Variants in FRAS1 observed in about 807,000 individuals in gnomAD.
The protein encoded by FRAS1 is Fraser extracellular matrix complex subunit 1.
In FRAS1, 290 loss-of-function variants were observed where a neutral mutation model predicts 435.2. The observed-to-expected ratio is 0.67, with a 90% CI of 0.61 to 0.73. The LOEUF (loss-of-function observed/expected upper bound fraction) is 0.73. FRAS1 is among the 30% of genes least tolerant of loss of function. The pLI, the probability that FRAS1 is intolerant of heterozygous loss-of-function variation, is 0.00. For synonymous variants in FRAS1, 1,800 were observed against 1,851.0 expected (o/e 0.97, Z 0.71); for missense variants, 4,860 against 5,001.5 (o/e 0.97, Z 0.85).
At chr4:78,457,258 T>C (rs1719230507) in intron 47 of FRAS1, among the ~76,000 whole-genome samples, 1 of 152,116 alleles carries the variant, frequency 6.6e-6, no homozygotes, top group Non-Finnish European at 1.5e-5. Flanking sequence ...GAGCCCGAAA[T>C]AAACTTTTCA....
Position 78,428,312 on chromosome 4 carries a change from T to C in FRAS1, c.4712-783T>C, listed in dbSNP as rs375115118. On this transcript the variant is annotated intron_variant, in intron 35 of 73. Transcript: ENST00000512123. ...GAGACATTGGTATGGGTATTGTCTG[T>C]CCTTTTAAAAAGTATTCTTTTTTTT... Among the ~76,000 whole-genome samples the C allele has an allele frequency of 1.1e-4, 15 of 142,006 alleles. No homozygotes were observed. The East Asian group carries it at 1.4e-3, about 14-fold the overall frequency. The allele number at this position is 142,006 out of a possible 152,430, so 93.2% of individuals were successfully genotyped here. A position where few individuals can be genotyped will look rare whatever the true frequency, so the allele number is the denominator to read the frequency against.
chr4:78,228,004 A>G (rs953490620), intron 2 of FRAS1, among the ~76,000 whole-genome samples: 2 of 152,238 alleles, frequency 1.3e-5, no homozygotes, highest in Non-Finnish European at 2.9e-5. Flanking sequence ...CTACCTATAT[A>G]TAAAGAAATT....
At chr4:78,184,817 C>G (rs1189290235) in intron 2 of FRAS1, among the ~76,000 whole-genome samples, 1 of 152,192 alleles carries the variant, frequency 6.6e-6, no homozygotes, top group East Asian at 1.9e-4. Context: ...TTAAAGTCAA[C>G]TGATTAGGGA....
intron 59 of FRAS1, among the ~76,000 whole-genome samples, chr4:78,489,907 C>A (rs1012639626): frequency 8.1e-6 from 1 of 124,126 alleles, no homozygotes; most frequent in East Asian, 2.8e-4. Flanking sequence ...ATTCTCTTGA[C>A]AATGTACATG....
At chr4:78,433,560 A>T (rs1422460837) in intron 38 of FRAS1, among the ~76,000 whole-genome samples, 2 of 152,188 alleles carry the variant, frequency 1.3e-5, no homozygotes, top group Admixed American at 6.5e-5. Context: ...TTAGCCTGGG[A>T]ACAATTGCTT....
Position 78,377,005 on chromosome 4 carries a change from T to G in FRAS1, c.3292+1126T>G, listed in dbSNP as rs148997422. Among the ~76,000 whole-genome samples the G allele has an allele frequency of 2.6e-3, 401 of 151,932 alleles. 1 individual carries two copies. The highest frequency in any genetic ancestry group is 9.3e-3 in the African/African-American group (386 of 41,454). On this transcript the variant is annotated intron_variant, in intron 26 of 73. Transcript: ENST00000512123. ...TGAGACTCTGTCTCAAAAATAATAA[T>G]AATAATAGGTAACATGTTAAGAAAT...
intron 2 of FRAS1, among the ~76,000 whole-genome samples, chr4:78,088,049 G>T (rs35095471): frequency 0.98 from 148,711 of 152,226 alleles, 72,716 homozygotes; most frequent in Middle Eastern, 1. Flanking sequence ...GTACTGGTAC[G>T]AAACAGCATG....
intron 30 of FRAS1, 138 bp from the exon 31 acceptor site, chr4:78,407,525 C>G: frequency 1.6e-6 from 1 of 627,860 alleles, no homozygotes; most frequent in Non-Finnish European, 2.7e-6. Context: ...TGTTAACATC[C>G]TCTCCTTCAC....
At chr4:78,128,895 A>ATG (rs1276162119) in intron 2 of FRAS1, among the ~76,000 whole-genome samples, 1 of 152,136 alleles carries the variant, frequency 6.6e-6, no homozygotes, top group African/African-American at 2.4e-5. Context: ...TAGGTCTACC[A>ATG]TTTAAGTCTT....
chr4:78,493,277 G>A (rs920565919), intron 59 of FRAS1, among the ~76,000 whole-genome samples: 4 of 152,086 alleles, frequency 2.6e-5, no homozygotes, highest in East Asian at 1.9e-4. Context: ...CCAGAAATAC[G>A]ATTTGGCCTA....
intron 54 of FRAS1, among the ~76,000 whole-genome samples, chr4:78,476,186 T>G (rs1468316551): frequency 6.6e-6 from 1 of 152,210 alleles, no homozygotes; most frequent in East Asian, 1.9e-4. Context: ...CAAGGTTTGG[T>G]GCTCGTGACT....
At chr4:78,186,957 T>C (rs1200665299) in intron 2 of FRAS1, among the ~76,000 whole-genome samples, 1 of 152,238 alleles carries the variant, frequency 6.6e-6, no homozygotes, top group Non-Finnish European at 1.5e-5. Flanking sequence ...GCCTAAAATC[T>C]GGTCTGATTT....
intron 69 of FRAS1, among the ~76,000 whole-genome samples, 174 bp from the exon 70 acceptor site, chr4:78,526,367 G>A (rs1412521845): frequency 6.6e-6 from 1 of 152,208 alleles, no homozygotes; most frequent in Non-Finnish European, 1.5e-5. Flanking sequence ...TACTCTGAAG[G>A]TTAGGATAAT....
In FRAS1 at chr4:78,060,277, C is replaced by T. The variant is rs1000148521; in HGVS notation, c.76+2192C>T. 7.2e-5 allele frequency among the ~76,000 whole-genome samples: 11 copies of T among 152,260 alleles called. No homozygotes were observed. The East Asian group carries it at 2.1e-3, about 29-fold the overall frequency. ...CTTTAAAAAATAAGAGCATTGAGATCAAGGTTGGAAACCTCAAGGATCTTA... is the reference window on the plus strand; with the variant it reads ...CTTTAAAAAATAAGAGCATTGAGATTAAGGTTGGAAACCTCAAGGATCTTA... On this transcript the variant is annotated intron_variant, in intron 1 of 73. Transcript: ENST00000512123.
rs545975250 is a variant in FRAS1 at position 78,167,729 on chromosome 4, T to C, written c.109-69781T>C. Among the ~76,000 whole-genome samples, 3 of 152,122 alleles carry C rather than the reference T, an allele frequency of 2.0e-5. No homozygotes were observed. In the South Asian group the frequency reaches 6.2e-4, roughly 32 times the overall value. On this transcript the variant is annotated intron_variant, in intron 2 of 73. Coordinates refer to ENST00000512123, the MANE Select transcript of FRAS1 (RefSeq NM_025074.7). ...CAAGTTCACATAGCTAGGAAGTGAC[T>C]CAGCTGGGCTTTGAACCCCAGCGAT...
chr4:78,132,301 T>C (rs1054519038), intron 2 of FRAS1, among the ~76,000 whole-genome samples: 2 of 152,210 alleles, frequency 1.3e-5, no homozygotes, highest in African/African-American at 2.4e-5. Flanking sequence ...TTAGTGTTTA[T>C]ACAAGGAATC....
At chr4:78,170,049 G>A (rs1721486304) in intron 2 of FRAS1, among the ~76,000 whole-genome samples, 1 of 152,212 alleles carries the variant, frequency 6.6e-6, no homozygotes, top group Middle Eastern at 3.4e-3. Flanking sequence ...TTAACTAATA[G>A]AACATGACAA....
chr4:78,438,228 T>G (rs567422734), intron 38 of FRAS1, among the ~76,000 whole-genome samples: 1 of 152,274 alleles, frequency 6.6e-6, no homozygotes, highest in Non-Finnish European at 1.5e-5. Context: ...GATGATCAAG[T>G]TTTATTTTTA....
At position 78,284,402 on chromosome 4, in the gene FRAS1, C is replaced by T; in HGVS notation, c.1256-3C>T. The T allele has an allele frequency of 6.2e-7, 1 of 1,613,734 alleles. No individual in the cohort carries two copies. Among genetic ancestry groups the T allele is most frequent in the Non-Finnish European group, 8.5e-7 (1 of 1,179,776 alleles). Reference sequence around the variant, plus strand: ...TTCTCCCCTTCTTTGTCCTTGATTTCAGTTCATTGCCATCCAGATTGTTTG... The same window carrying T: ...TTCTCCCCTTCTTTGTCCTTGATTTTAGTTCATTGCCATCCAGATTGTTTG... On this transcript the variant is annotated splice_region_variant and splice_polypyrimidine_tract_variant and intron_variant, in intron 12 of 73. Transcript: ENST00000512123.
Sources: allele counts gnomAD v4.1 joint callset (sites outside exome capture counted in the v4.1 genomes callset), GRCh38; gene constraint gnomAD v4.1.1; transcripts MANE v1.5; gene names NCBI Gene and HGNC (gene_info 2026-07-23, HGNC 2026-07-21).